CTH: variants seen among roughly 807,000 people sequenced by gnomAD.
CTH encodes the protein cystathionase (cystathionine gamma-lyase).
In CTH, 41 loss-of-function variants were observed where a neutral mutation model predicts 50.6. The ratio of observed to expected loss-of-function variants is 0.81; its 90% CI spans 0.63 to 1.05. The LOEUF is 1.05. Among genes scored for constraint, CTH ranks in the 50% least tolerant of loss-of-function variants. The pLI is 0.00. For missense variants in CTH, 470 were observed against 492.6 expected (o/e 0.95, Z 0.43); for synonymous variants, 156 against 168.9 (o/e 0.92, Z 0.59).
intron 1 of CTH, among the ~76,000 whole-genome samples, chr1:70,414,344 T>C (rs1339829243): frequency 6.6e-6 from 1 of 151,974 alleles, no homozygotes; most frequent in Non-Finnish European, 1.5e-5. Flanking sequence ...AAACCCCATC[T>C]CTACTAAAAA....
chr1:70,426,827 A>G (rs1684355359), intron 5 of CTH, among the ~76,000 whole-genome samples: 1 of 152,168 alleles, frequency 6.6e-6, no homozygotes, highest in Non-Finnish European at 1.5e-5. Context: ...TTAATACAGC[A>G]TAGGATAGCT....
rs1305298096 is a variant in CTH, at chr1:70,415,951, T to C, written c.169-5T>C. On this transcript the variant is annotated splice_region_variant and splice_polypyrimidine_tract_variant and intron_variant, in intron 1 of 11. Transcript: ENST00000370938. ...TTAGGATGAACTCGAACTTGTTTTT[T>C]TCAGGGTTTTGAATATAGCCGTTCT... is the stretch of plus-strand genomic sequence containing the variant. 10 of 1,588,676 alleles carry C rather than the reference T, an allele frequency of 6.3e-6. No individual in the cohort carries two copies. The highest frequency in any genetic ancestry group is 8.6e-6 in the Non-Finnish European group (10 of 1,156,726).
At chr1:70,423,668 A>G (rs1018515870) in intron 4 of CTH, among the ~76,000 whole-genome samples, 4 of 152,090 alleles carry the variant, frequency 2.6e-5, no homozygotes, top group African/African-American at 9.7e-5. Context: ...AGCATCTACC[A>G]TGTGTCTGAA....
chr1:70,416,415 G>A (rs1684092229), intron 2 of CTH, among the ~76,000 whole-genome samples: 1 of 151,982 alleles, frequency 6.6e-6, no homozygotes, highest in Admixed American at 6.6e-5. Flanking sequence ...TTTTGAGACA[G>A]GGTCTCTCAT....
At chr1:70,431,463 T>C (rs966930135) in intron 7 of CTH, among the ~76,000 whole-genome samples, 7 of 152,228 alleles carry the variant, frequency 4.6e-5, no homozygotes, top group Non-Finnish European at 5.9e-5. Context: ...CACCATTTCC[T>C]ATTTACATTG....
intron 4 of CTH, among the ~76,000 whole-genome samples, chr1:70,422,575 G>A (rs1269104613): frequency 1.3e-5 from 2 of 151,282 alleles, no homozygotes; most frequent in African/African-American, 4.9e-5. Context: ...ATCTTGCTTG[G>A]GAGAAAAGTC....
intron 7 of CTH, chr1:70,431,321 G>C (rs1684469726): frequency 6.6e-6 from 1 of 151,770 alleles, no homozygotes. Context: ...AAGACTTAAT[G>C]GTTTTTTTTT....
At position 70,411,519 on chromosome 1, in the gene CTH, G is replaced by T; in HGVS notation, c.104G>T (p.Arg35Met). The stretch of plus-strand genomic sequence containing the variant: ...CAGGATCCAGAGCAATGGACCTCCA[G>T]GGCTGTAGTGCCCCCCATCTCACTG... ...VGQDPEQWTS[R>M]AVVPPISLST... Residue 35 changes from arginine to methionine, a missense_variant, in exon 1 of 12, where the codon AGG becomes ATG. Transcript: ENST00000370938. The T allele has an allele frequency of 1.2e-6, 2 of 1,614,220 alleles. No homozygotes were observed. The highest frequency in any genetic ancestry group is 1.7e-6 in the Non-Finnish European group (2 of 1,180,048).
chr1:70,418,710 G>T (rs940079567), intron 3 of CTH, among the ~76,000 whole-genome samples: 2 of 152,058 alleles, frequency 1.3e-5, no homozygotes, highest in African/African-American at 2.4e-5. Flanking sequence ...TACAACTCAG[G>T]TTACTCTCAA....
intron 8 of CTH, among the ~76,000 whole-genome samples, chr1:70,432,575 T>TTGTCTGTC (rs1248583168): frequency 5.3e-5 from 8 of 152,232 alleles, no homozygotes; most frequent in Admixed American, 2.0e-4. Context: ...GCTTATAATC[T>TTGTCTGTC]TGTCTGTCTG....
chr1:70,422,937 A>C (rs1315981721), intron 4 of CTH, among the ~76,000 whole-genome samples: 2 of 152,146 alleles, frequency 1.3e-5, no homozygotes, highest in African/African-American at 4.8e-5. Flanking sequence ...AAGGGAGGAA[A>C]GCAAATTATG....
In CTH at chr1:70,432,240, G is replaced by T; in HGVS notation, c.877+5G>T. 6.2e-7 allele frequency: 1 copy of T among 1,614,100 alleles called. No homozygotes were observed. Among genetic ancestry groups the T allele is most frequent in the Non-Finnish European group, 8.5e-7 (1 of 1,179,960 alleles). On this transcript the variant is annotated splice_donor_5th_base_variant and intron_variant, in intron 8 of 11. Coordinates refer to ENST00000370938, the MANE Select transcript of CTH (RefSeq NM_001902.6). Reference sequence around the variant, plus strand: ...TAGAAAAGGTTATTTATCCTGGTATGTTAATTTGATTTCTAAGCAGATCTA... The same window carrying T: ...TAGAAAAGGTTATTTATCCTGGTATTTTAATTTGATTTCTAAGCAGATCTA...
At chr1:70,428,342 A>G (rs186837435) in intron 5 of CTH, among the ~76,000 whole-genome samples, 1 of 152,250 alleles carries the variant, frequency 6.6e-6, no homozygotes, top group African/African-American at 2.4e-5. Flanking sequence ...GGATGATCAT[A>G]GTTACAATAA....
At chr1:70,430,557 T>TC (rs1448352736) in intron 7 of CTH, among the ~76,000 whole-genome samples, 163 bp downstream of exon 7, 1 of 151,932 alleles carries the variant, frequency 6.6e-6, no homozygotes, top group African/African-American at 2.4e-5. Context: ...AATTTTTTTT[T>TC]TTGAGATGGA....
intron 10 of CTH, among the ~76,000 whole-genome samples, chr1:70,438,385 A>G (rs515064): frequency 0.33 from 50,787 of 152,052 alleles, 8,659 homozygotes; most frequent in Middle Eastern, 0.46. Context: ...AAATATACAC[A>G]TTGGGGAGGC....
chr1:70,432,832 C>T (rs1459432355), intron 8 of CTH, among the ~76,000 whole-genome samples: 1 of 151,874 alleles, frequency 6.6e-6, no homozygotes, highest in East Asian at 1.9e-4. Context: ...TACAGGTGCC[C>T]GCCACCACGC....
intron 8 of CTH, among the ~76,000 whole-genome samples, chr1:70,433,385 G>T (rs1022575370): frequency 4.6e-5 from 7 of 152,186 alleles, no homozygotes; most frequent in African/African-American, 1.7e-4. Flanking sequence ...CATAGACAAG[G>T]TATTGGAGAT....
chr1:70,425,946 C>G (rs1038362074), intron 5 of CTH, among the ~76,000 whole-genome samples: 2 of 152,014 alleles, frequency 1.3e-5, no homozygotes, highest in African/African-American at 4.8e-5. Flanking sequence ...CAAAAATCAC[C>G]CTAATCACCT....
intron 1 of CTH, among the ~76,000 whole-genome samples, chr1:70,412,680 G>C (rs1010289027): frequency 1.3e-5 from 2 of 152,126 alleles, no homozygotes; most frequent in African/African-American, 4.8e-5. Context: ...TTCTGAGCTG[G>C]GGGACCTTGG....
Sources: allele counts gnomAD v4.1 joint callset (sites outside exome capture counted in the v4.1 genomes callset), GRCh38; gene constraint gnomAD v4.1.1; transcripts MANE v1.5; gene names NCBI Gene and HGNC (gene_info 2026-07-23, HGNC 2026-07-21).